The following NHLRC2 variants were observed in gnomAD, a reference collection of about 807,000 sequenced individuals.
NHLRC2 encodes the protein NHL repeat containing 2, also known as NHL repeat-containing protein 2.
A neutral mutation model predicts 68.1 loss-of-function variants in NHLRC2; 33 were observed. The ratio of observed to expected loss-of-function variants is 0.48; its 90% confidence interval spans 0.37 to 0.65. NHLRC2 has a LOEUF of 0.65. NHLRC2 is among the 30% of genes least tolerant of loss of function. The probability of loss-of-function intolerance (pLI) is 0.00; values close to 1 mark genes in which losing one functional copy is unlikely to be tolerated. For synonymous variants in NHLRC2, 311 were observed against 309.6 expected, an observed-to-expected ratio of 1.00 and a Z score of -0.05; for missense variants, 761 against 853.8, an observed-to-expected ratio of 0.89 and a Z score of 1.35.
chr10:113,915,579 A>G lies in NHLRC2; in HGVS notation c.*7043A>G. ...ACCTCAAACTGATGCTGAGAAGTAGACAAAATCAGCTCTCAGACTTAACTC... is the reference window on the plus strand; with the variant it reads ...ACCTCAAACTGATGCTGAGAAGTAGGCAAAATCAGCTCTCAGACTTAACTC... On this transcript the variant is annotated 3_prime_UTR_variant, in exon 11 of 11. Coordinates refer to ENST00000369301, the MANE Select transcript of NHLRC2 (RefSeq NM_198514.4). 1 of 246,550 alleles carries G rather than the reference A, an allele frequency of 4.1e-6. No homozygotes were observed. The highest frequency in any genetic ancestry group is 2.3e-5 in the African/African-American group (1 of 42,772). 15.3% of individuals were successfully genotyped at this position (246,550 alleles called of 1,614,324 possible). A position where few individuals can be genotyped will look rare whatever the true frequency, so the allele number is the denominator to read the frequency against.
intron 1 of NHLRC2, 70 bp downstream of exon 1, chr10:113,855,120 C>G: frequency 7.3e-7 from 1 of 1,369,296 alleles, no homozygotes; most frequent in Non-Finnish European, 1.0e-6. Flanking sequence ...CGCCCTCCCG[C>G]GAAGCGGTGG....
At chr10:113,899,509 T>G (rs1223545434) in intron 6 of NHLRC2, among the ~76,000 whole-genome samples, 1 of 152,224 alleles carries the variant, frequency 6.6e-6, no homozygotes, top group Non-Finnish European at 1.5e-5. Context: ...GGATGAAATA[T>G]GCTCACTATG....
intron 10 of NHLRC2, among the ~76,000 whole-genome samples, chr10:113,907,991 A>G (rs1846291134): frequency 6.6e-6 from 1 of 152,198 alleles, no homozygotes; most frequent in African/African-American, 2.4e-5. Flanking sequence ...CTTTATAGCC[A>G]TATTTGCAAT....
intron 3 of NHLRC2, among the ~76,000 whole-genome samples, chr10:113,878,313 G>A (rs181184469): frequency 3.3e-5 from 5 of 151,880 alleles, no homozygotes; most frequent in African/African-American, 1.2e-4. Context: ...CACAATAATA[G>A]TATTATTAAC....
At chr10:113,903,807 C>G in intron 9 of NHLRC2, 71 bp downstream of exon 9, 1 of 910,088 alleles carries the variant, frequency 1.1e-6, no homozygotes, top group Admixed American at 1.9e-5. Flanking sequence ...ACAGCACTGA[C>G]AGAGGCATTT....
At position 113,857,988 on chromosome 10, in the gene NHLRC2, G is replaced by T. The variant is rs1206485388; in HGVS notation, c.179-540G>T. Among the ~76,000 whole-genome samples the T allele has an allele frequency of 2.7e-5, 4 of 148,766 alleles. No homozygotes were observed. In the East Asian group the frequency reaches 7.8e-4, roughly 29 times the overall value. Reference sequence around the variant, plus strand: ...TTAAGCTTGACCTTTATTCTCAGTAGCCCATTTGTATCTAATTGTTTATGT... The same window carrying T: ...TTAAGCTTGACCTTTATTCTCAGTATCCCATTTGTATCTAATTGTTTATGT... On this transcript the variant is annotated intron_variant, in intron 1 of 10. Transcript: ENST00000369301.
chr10:113,882,972 G>A (rs774943916), intron 4 of NHLRC2, among the ~76,000 whole-genome samples: 2 of 151,758 alleles, frequency 1.3e-5, no homozygotes, highest in Non-Finnish European at 3.0e-5. Context: ...AATAGCTGTA[G>A]CAGCCTTGTT....
chr10:113,854,939 T>A lies in NHLRC2; in HGVS notation c.67T>A (p.Tyr23Asn). The A allele has an allele frequency of 6.4e-7, 1 of 1,554,594 alleles. No individual in the cohort carries two copies. The highest frequency in any genetic ancestry group is 1.7e-4 in the Middle Eastern group (1 of 5,774). ...GCTCCCCGCGCAGACCTCGCTAGAGTACGCCCTGCTCGACGCCGTTACCCA... is the reference window on the plus strand; with the variant it reads ...GCTCCCCGCGCAGACCTCGCTAGAGAACGCCCTGCTCGACGCCGTTACCCA... Reference protein sequence around the residue: ...GLLPAQTSLEYALLDAVTQQE... With the variant: ...GLLPAQTSLENALLDAVTQQE... Residue 23 changes from tyrosine (Y) to asparagine (N), a missense_variant, in exon 1 of 11, where the codon TAC (tyrosine) becomes AAC (asparagine). Physicochemically the swap from Tyr to Asn is moderately radical, Grantham distance 143. Transcript: ENST00000369301.
chr10:113,901,638 A>T, intron 6 of NHLRC2, 28 bp from the exon 7 acceptor site: 1 of 1,401,018 alleles, frequency 7.1e-7, no homozygotes, highest in Non-Finnish European at 1.0e-6. Context: ...CCACATGTTG[A>T]CTCCACCTAT....
In NHLRC2 at chr10:113,908,647, C is replaced by T; in HGVS notation, c.*111C>T. On this transcript the variant is annotated 3_prime_UTR_variant, in exon 11 of 11. Coordinates refer to ENST00000369301, the MANE Select transcript of NHLRC2 (RefSeq NM_198514.4). ...TTCTGCCTCTGGATACCAAGATGCC[C>T]ATTGCTCAGTTCAGACAACTGATAT... is the stretch of plus-strand genomic sequence containing the variant. The T allele has an allele frequency of 2.1e-6, 2 of 951,922 alleles. No individual in the cohort carries two copies. The highest frequency in any genetic ancestry group is 1.5e-5 in the South Asian group (1 of 64,584). 59.0% of individuals were successfully genotyped at this position (951,922 alleles called of 1,614,324 possible).
chr10:113,902,353 C>A, intron 7 of NHLRC2, 118 bp from the exon 8 acceptor site: 1 of 666,240 alleles, frequency 1.5e-6, no homozygotes, highest in Non-Finnish European at 2.6e-6. Context: ...TGAAAATCAG[C>A]ATTTTCCCTT....
At position 113,914,702 on chromosome 10, in the gene NHLRC2, C is replaced by A; in HGVS notation, c.*6166C>A. 5 of 232,104 alleles carry A rather than the reference C, an allele frequency of 2.2e-5. No homozygotes were observed. The highest frequency in any genetic ancestry group is 5.2e-5 in the Admixed American group (1 of 19,064). 14.4% of individuals were successfully genotyped at this position (232,104 alleles called of 1,614,324 possible). A position where few individuals can be genotyped will look rare whatever the true frequency, so the allele number is the denominator to read the frequency against. Reference sequence around the variant, plus strand: ...AGTGTCATATTTTAAAAGTAGAATCCACTGTTAAGCACCAAGATTACCTTT... The same window carrying A: ...AGTGTCATATTTTAAAAGTAGAATCAACTGTTAAGCACCAAGATTACCTTT... On this transcript the variant is annotated 3_prime_UTR_variant, in exon 11 of 11. Coordinates refer to ENST00000369301, the MANE Select transcript of NHLRC2 (RefSeq NM_198514.4).
At chr10:113,905,336 ATTC>A (rs1846266888) in intron 10 of NHLRC2, among the ~76,000 whole-genome samples, 1 of 152,146 alleles carries the variant, frequency 6.6e-6, no homozygotes, top group Non-Finnish European at 1.5e-5. Flanking sequence ...TCTTCATTCT[ATTC>A]TTGTTCCAAA....
chr10:113,854,702 T>C lies in NHLRC2; in HGVS notation c.-171T>C, dbSNP rs1845722729. ...CGGGAACTGCGCCGATTTGGACTTTTGGCACTTGGACCTATGCTTTAAAAA... is the reference window on the plus strand; with the variant it reads ...CGGGAACTGCGCCGATTTGGACTTTCGGCACTTGGACCTATGCTTTAAAAA... On this transcript the variant is annotated 5_prime_UTR_variant, in exon 1 of 11. Coordinates refer to ENST00000369301, the MANE Select transcript of NHLRC2 (RefSeq NM_198514.4). The C allele has an allele frequency of 1.7e-6, 1 of 583,164 alleles. No individual in the cohort carries two copies. Among genetic ancestry groups the C allele is most frequent in the Non-Finnish European group, 3.0e-6 (1 of 336,228 alleles). 36.1% of individuals were successfully genotyped at this position (583,164 alleles called of 1,614,324 possible). A position where few individuals can be genotyped will look rare whatever the true frequency, so the allele number is the denominator to read the frequency against.
Position 113,879,680 on chromosome 10 carries a change from C to A in NHLRC2, c.894C>A (p.Asn298Lys), listed in dbSNP as rs1187965087. ...TCATATATGTGGCAGACACTGAAAA[C>A]CACCTTATAAGAAAGGTAATTTTCA... ...NNIIYVADTE[N>K]HLIRKIDLEA... The change falls in exon 4 of 11, where the codon AAC (asparagine) becomes AAA (lysine). Residue 298 changes from asparagine to lysine, a missense_variant. Coordinates refer to ENST00000369301, the MANE Select transcript of NHLRC2 (RefSeq NM_198514.4). The A allele has an allele frequency of 6.7e-7, 1 of 1,502,072 alleles. No homozygotes were observed. Among genetic ancestry groups the A allele is most frequent in the Non-Finnish European group, 9.1e-7 (1 of 1,100,220 alleles). 93.0% of individuals were successfully genotyped at this position (1,502,072 alleles called of 1,614,324 possible).
intron 8 of NHLRC2, among the ~76,000 whole-genome samples, chr10:113,903,139 A>C (rs1351148544): frequency 6.6e-6 from 1 of 152,236 alleles, no homozygotes; most frequent in African/African-American, 2.4e-5. Flanking sequence ...AGTTTAACAA[A>C]GGTAGCAAAT....
At chr10:113,907,629 A>G (rs1846288808) in intron 10 of NHLRC2, among the ~76,000 whole-genome samples, 1 of 152,144 alleles carries the variant, frequency 6.6e-6, no homozygotes, top group Non-Finnish European at 1.5e-5. Flanking sequence ...TTTTTGTTAT[A>G]GATAGTCTGT....
At chr10:113,903,848 G>A (rs1275904927) in intron 9 of NHLRC2, 112 bp downstream of exon 9, 8 of 684,838 alleles carry the variant, frequency 1.2e-5, no homozygotes, top group Non-Finnish European at 2.1e-5. Context: ...AGAGTATTAA[G>A]TGGATGCTTC....
At chr10:113,904,212 C>A (rs140255003) in intron 9 of NHLRC2, among the ~76,000 whole-genome samples, 2 of 149,804 alleles carry the variant, frequency 1.3e-5, no homozygotes. Context: ...CTCAAGACAT[C>A]GAAAATAAGA....
Sources: gnomAD v4.1 joint callset for allele counts (sites outside exome capture counted in the v4.1 genomes callset) on GRCh38, gnomAD v4.1.1 for gene constraint, MANE v1.5 for transcripts, NCBI Gene and HGNC (gene_info 2026-07-23, HGNC 2026-07-21) for gene names.